Variants in SLU7 observed in about 807,000 individuals in gnomAD.
The protein encoded by SLU7 is pre-mRNA-splicing factor SLU7.
SLU7 carries 60 observed loss-of-function variants against 87.0 expected under a neutral mutation model. The ratio of observed to expected loss-of-function variants is 0.69; its 90% confidence interval spans 0.56 to 0.86. The LOEUF is 0.86. SLU7 is among the 40% of genes least tolerant of loss of function. The pLI is 0.00. For synonymous variants in SLU7, 197 were observed against 222.0 expected (o/e 0.89, Z 1.00); for missense variants, 507 against 686.6 (o/e 0.74, Z 2.92).
intron 1 of SLU7, among the ~76,000 whole-genome samples, chr5:160,415,968 C>T (rs1205698585): frequency 1.3e-5 from 2 of 152,142 alleles, no homozygotes; most frequent in African/African-American, 4.8e-5. Context: ...TCTCAGCTCA[C>T]TGCAACCTCC....
In SLU7 at chr5:160,413,906, C is replaced by T; in HGVS notation, c.398G>A (p.Cys133Tyr). Residue 133 changes from cysteine to tyrosine, a missense_variant, in exon 4 of 16, where the codon TGC becomes TAC. By Grantham distance (194) the Cys-to-Tyr change is radical. Around this residue, in one of 6 missense-constraint regions of SLU7, gnomAD observed 155 missense variants for 154.4 expected, o/e 1.00. Coordinates refer to ENST00000297151, the MANE Select transcript of SLU7 (RefSeq NM_006425.5). ...CGAMTHKKKD[C>Y]FERPRRVGAK... ...TTTCAAAGGTGAACTTACCTCAAAGCAGTCTTTCTTTTTGTGTGTCATGGC... is the reference window on the plus strand; with the variant it reads ...TTTCAAAGGTGAACTTACCTCAAAGTAGTCTTTCTTTTTGTGTGTCATGGC... 6.3e-7 allele frequency: 1 copy of T among 1,591,484 alleles called. No individual in the cohort carries two copies. The highest frequency in any genetic ancestry group is 8.5e-7 in the Non-Finnish European group (1 of 1,171,640).
chr5:160,409,831 A>T (rs888525497), intron 6 of SLU7, among the ~76,000 whole-genome samples: 4 of 152,134 alleles, frequency 2.6e-5, no homozygotes, highest in African/African-American at 9.7e-5. Context: ...AGATAGGATA[A>T]GGGTATATAT....
rs1402744686 is a variant in SLU7 at position 160,403,322 on chromosome 5, C to T, written c.1724G>A (p.Arg575Lys). The stretch of plus-strand genomic sequence containing the variant: ...GAAAGAGGCCATGGGGTCATCTGGC[C>T]TCTGACGTTTCATTCTATATGCCTC... ...EMEAYRMKRQ[R>K]PDDPMASFLG... is the part of the protein sequence containing the mutation. The change falls in exon 16 of 16, where the codon AGG becomes AAG. Residue 575 changes from arginine (R) to lysine (K), a missense_variant. This residue lies in a region of SLU7 where 201 missense variants were observed against 213.4 expected (regional missense o/e 0.94). Transcript: ENST00000297151. The T allele has an allele frequency of 7.4e-6, 12 of 1,611,592 alleles. No individual in the cohort carries two copies. Among genetic ancestry groups the T allele is most frequent in the Middle Eastern group, 1.6e-4 (1 of 6,078 alleles).
intron 3 of SLU7, 41 bp from the exon 4 acceptor site, chr5:160,414,020 C>T (rs368673291): frequency 2.4e-5 from 29 of 1,224,530 alleles, no homozygotes; most frequent in South Asian, 1.2e-4. Flanking sequence ...GTCTTAACCA[C>T]GTAAGTTAGA....
At position 160,404,517 on chromosome 5, in the gene SLU7, T is replaced by G; in HGVS notation, c.1504A>C (p.Lys502Gln). The change falls in exon 15 of 16, where the codon AAA (lysine) becomes CAA (glutamine). Residue 502 changes from lysine (K) to glutamine (Q), a missense_variant. Physicochemically the swap from Lys to Gln is moderately conservative, Grantham distance 53. Transcript: ENST00000297151. Reference protein sequence around the residue: ...EKLKEEKKKKKKKKKKHRKSS... With the variant: ...EKLKEEKKKKQKKKKKHRKSS... ...TTTCGATGCTTCTTCTTTTTCTTTT[T>G]CTTCTTCTTCTTTTCCTCTTTCAGT... 6.3e-7 allele frequency: 1 copy of G among 1,598,576 alleles called. No homozygotes were observed. The highest frequency in any genetic ancestry group is 8.5e-7 in the Non-Finnish European group (1 of 1,170,488).
Position 160,414,311 on chromosome 5 carries a change from C to CTACA in SLU7, c.324+4_324+7dup. ...ATCCATGAAGATGTATACAGGTTGC[C>CTACA]TACATACCTCTTTTACACCCCTCTT... On this transcript the variant is annotated splice_region_variant and intron_variant, in intron 3 of 15. Coordinates refer to ENST00000297151, the MANE Select transcript of SLU7 (RefSeq NM_006425.5). The CTACA allele has an allele frequency of 6.3e-7, 1 of 1,589,442 alleles. No individual in the cohort carries two copies. Among genetic ancestry groups the CTACA allele is most frequent in the Non-Finnish European group, 8.5e-7 (1 of 1,170,758 alleles).
intron 3 of SLU7, 72 bp downstream of exon 3, chr5:160,414,247 G>T: frequency 1.7e-6 from 2 of 1,174,308 alleles, no homozygotes; most frequent in Non-Finnish European, 1.2e-6. Context: ...AAATAGTATT[G>T]CATTAAAAAT....
At position 160,408,317 on chromosome 5, in the gene SLU7, G is replaced by A. The variant is rs763213219; in HGVS notation, c.819+12C>T. 1 of 1,601,590 alleles carries A rather than the reference G, an allele frequency of 6.2e-7. No individual in the cohort carries two copies. ...ATTTTTCAAATATGTATGTTAAGCT[G>A]ACAAGACTTACTTTTGCAATATCTT... is the stretch of plus-strand genomic sequence containing the variant. On this transcript the variant is annotated intron_variant, in intron 8 of 15. Coordinates refer to ENST00000297151, the MANE Select transcript of SLU7 (RefSeq NM_006425.5).
At chr5:160,406,744 T>C in intron 11 of SLU7, 115 bp from the exon 12 acceptor site, 2 of 902,666 alleles carry the variant, frequency 2.2e-6, no homozygotes, top group Non-Finnish European at 3.2e-6. Flanking sequence ...CTGGGTTTTG[T>C]TATAGAAAGC....
intron 15 of SLU7, among the ~76,000 whole-genome samples, chr5:160,403,705 A>G (rs1429579887): frequency 2.6e-5 from 4 of 152,248 alleles, no homozygotes; most frequent in Non-Finnish European, 5.9e-5. Context: ...TGTTGAAGAA[A>G]TTTTATTTAA....
chr5:160,417,992 C>T (rs1012444241), intron 1 of SLU7, among the ~76,000 whole-genome samples: 3 of 152,116 alleles, frequency 2.0e-5, no homozygotes, highest in Non-Finnish European at 4.4e-5. Context: ...TCTAACAAAC[C>T]GTGCTCCCTG....
At chr5:160,404,744 A>C in intron 14 of SLU7, 65 bp downstream of exon 14, 3 of 1,134,104 alleles carry the variant, frequency 2.6e-6, no homozygotes, top group Non-Finnish European at 3.9e-6. Flanking sequence ...AAAAAAACTC[A>C]GGTGCAGGTT....
In SLU7 at chr5:160,415,402, CAT is replaced by C. The variant is rs954491140; in HGVS notation, c.-16-94_-16-93del. The C allele has an allele frequency of 4.5e-5, 43 of 953,248 alleles. No individual in the cohort carries two copies. In the African/African-American group the frequency reaches 4.9e-4, roughly 11 times the overall value. 59.0% of individuals were successfully genotyped at this position (953,248 alleles called of 1,614,324 possible). On this transcript the variant is annotated intron_variant, in intron 1 of 15. Transcript: ENST00000297151. ...TACATCCTAATAATATATACTGTTT[CAT>C]ATGTTTTTTTTTCTCCTATATTATG...
At position 160,408,737 on chromosome 5, in the gene SLU7, C is replaced by A. The variant is rs374503691; in HGVS notation, c.640-40G>T. On this transcript the variant is annotated intron_variant, in intron 6 of 15. Coordinates refer to ENST00000297151, the MANE Select transcript of SLU7 (RefSeq NM_006425.5). ...AAGAAAAATCATTCATAATCTCATT[C>A]CACTTAATCCAATTAACTTTATTAT... 5.8e-5 allele frequency: 58 copies of A among 998,502 alleles called. No homozygotes were observed. The East Asian group carries it at 1.4e-3, about 24-fold the overall frequency. 61.9% of individuals were successfully genotyped at this position (998,502 alleles called of 1,614,324 possible). A position where few individuals can be genotyped will look rare whatever the true frequency, so the allele number is the denominator to read the frequency against.
At chr5:160,406,762 G>GA (rs1303604942) in intron 11 of SLU7, 133 bp from the exon 12 acceptor site, 609 of 711,410 alleles carry the variant, frequency 8.6e-4, no homozygotes, top group Middle Eastern at 1.2e-3. Flanking sequence ...AGCACAGTAG[G>GA]AAAAAAAAAG....
At chr5:160,408,239 A>G (rs1765086762) in intron 8 of SLU7, 90 bp downstream of exon 8, 4 of 1,375,978 alleles carry the variant, frequency 2.9e-6, no homozygotes, top group Admixed American at 2.0e-5. Flanking sequence ...GACTCTGACT[A>G]TATTATCCAT....
chr5:160,416,249 T>G (rs1476443158), intron 1 of SLU7, among the ~76,000 whole-genome samples: 6 of 152,164 alleles, frequency 3.9e-5, no homozygotes, highest in Non-Finnish European at 5.9e-5. Flanking sequence ...TTATTTAATG[T>G]TGGATTCCTC....
chr5:160,407,762 T>C lies in SLU7; in HGVS notation c.969A>G (p.Ser323=), dbSNP rs1039090831. ...AACACTTACACTGTGTCTGAGCCAT[T>C]GAAATGGTATCTCCTGTGTACCTAA... ...NFVRYTGDTI[S]MAQTQLFAWE... is the part of the protein sequence containing the mutation. Residue 323 remains serine (S), a synonymous_variant, in exon 10 of 16, where the codon TCA becomes TCG. Coordinates refer to ENST00000297151, the MANE Select transcript of SLU7 (RefSeq NM_006425.5). The surrounding 1 kb of genome is among the most constrained non-coding windows in gnomAD (Gnocchi z 4.2). The C allele has an allele frequency of 6.2e-7, 1 of 1,613,124 alleles. No homozygotes were observed.
chr5:160,401,979 G>C lies in SLU7; in HGVS notation c.*1306C>G, dbSNP rs550823007. ...GTTAAAAGTTGATATACTGATGTCAGAGGTTTTGTTAGGCTGTTTTCACTG... is the reference window on the plus strand; with the variant it reads ...GTTAAAAGTTGATATACTGATGTCACAGGTTTTGTTAGGCTGTTTTCACTG... On this transcript the variant is annotated 3_prime_UTR_variant, in exon 16 of 16. Transcript: ENST00000297151. The C allele has an allele frequency of 1.4e-5, 2 of 144,876 alleles. No homozygotes were observed. Among genetic ancestry groups the C allele is most frequent in the East Asian group, 3.9e-4 (2 of 5,064 alleles). The allele number at this position is 144,876 out of a possible 1,614,324, so 9.0% of individuals were successfully genotyped here.
Sources: allele counts gnomAD v4.1 joint callset (sites outside exome capture counted in the v4.1 genomes callset), GRCh38; gene constraint gnomAD v4.1.1; regional missense constraint gnomAD v4.1.1; non-coding constraint Gnocchi (gnomAD v3.1); transcripts MANE v1.5; gene names NCBI Gene and HGNC (gene_info 2026-07-23, HGNC 2026-07-21).